DPY30: variants seen among roughly 807,000 people sequenced by gnomAD.
The protein encoded by DPY30 is protein dpy-30 homolog.
Under a neutral mutation model 16.2 loss-of-function variants are expected in DPY30, and 6 were observed. The ratio of observed to expected loss-of-function variants is 0.37; its 90% confidence interval spans 0.20 to 0.73. The LOEUF (loss-of-function observed/expected upper bound fraction) is 0.73. DPY30 is among the 30% of genes least tolerant of loss of function. The pLI is 0.51. For synonymous variants in DPY30, 39 were observed against 38.8 expected (o/e 1.00, Z -0.02); for missense variants, 73 against 113.1 (o/e 0.65, Z 1.61).
At chr2:32,012,580 ACCACCAT>A (rs2148647233) in intron 5 of DPY30, among the ~76,000 whole-genome samples, 1 of 151,648 alleles carries the variant, frequency 6.6e-6, no homozygotes, top group South Asian at 2.1e-4. Flanking sequence ...ATGGGTGCCC[ACCACCAT>A]CCACCATGCC....
chr2:32,030,080 AAAT>A (rs1418631802), intron 3 of DPY30, among the ~76,000 whole-genome samples: 49 of 149,962 alleles, frequency 3.3e-4, no homozygotes, highest in African/African-American at 6.9e-4. Flanking sequence ...AAAAAAAAAA[AAAT>A]AATGAATGTA....
chr2:32,037,717 C>G (rs1675798888), intron 3 of DPY30, among the ~76,000 whole-genome samples: 1 of 151,956 alleles, frequency 6.6e-6, no homozygotes, highest in Admixed American at 6.6e-5. Flanking sequence ...GCCACCACGC[C>G]TGGCTAATTT....
intron 5 of DPY30, among the ~76,000 whole-genome samples, chr2:32,016,894 T>C (rs560455939): frequency 3.7e-4 from 56 of 152,282 alleles, no homozygotes; most frequent in Non-Finnish European, 7.4e-5. Flanking sequence ...TTTGTTGTTG[T>C]TTTTTTGAGA....
At chr2:32,024,350 G>A in intron 4 of DPY30, 94 bp from the exon 5 acceptor site, 2 of 933,336 alleles carry the variant, frequency 2.1e-6, no homozygotes, top group Non-Finnish European at 3.2e-6. Context: ...ATCTTTTTAA[G>A]TTTAATTTTC....
chr2:32,038,161 A>C (rs1433541436), intron 3 of DPY30, among the ~76,000 whole-genome samples: 1 of 147,948 alleles, frequency 6.8e-6, no homozygotes, highest in African/African-American at 2.5e-5. Flanking sequence ...TTTTGGACAA[A>C]GTCTCGCTTT....
downstream of DPY30, among the ~76,000 whole-genome samples, chr2:32,022,151 A>C (rs1675198928): frequency 6.6e-6 from 1 of 151,768 alleles, no homozygotes; most frequent in Non-Finnish European, 1.5e-5. Flanking sequence ...CAGAGGTTGC[A>C]GTGAGCCAAG....
downstream of DPY30, chr2:32,023,331 A>C (rs1675225266): frequency 2.3e-6 from 1 of 435,532 alleles, no homozygotes; most frequent in South Asian, 1.7e-5. Flanking sequence ...TAGACCCCAA[A>C]AAGGACTGGC....
intron 5 of DPY30, among the ~76,000 whole-genome samples, chr2:32,018,557 C>CT (rs1471213343): frequency 6.6e-6 from 1 of 152,146 alleles, no homozygotes; most frequent in African/African-American, 2.4e-5. Flanking sequence ...GAAACACCGT[C>CT]TCTGCTTAAA....
chr2:32,023,624 C>A, downstream of DPY30: 2 of 786,004 alleles, frequency 2.5e-6, no homozygotes, highest in Non-Finnish European at 3.9e-6. Context: ...GATATTGTAT[C>A]CCCTTTGCAA....
intron 4 of DPY30, among the ~76,000 whole-genome samples, chr2:32,026,588 C>A (rs1465839958): frequency 6.6e-6 from 1 of 152,094 alleles, no homozygotes; most frequent in African/African-American, 2.4e-5. Flanking sequence ...ATCAGGAGTT[C>A]CAGACCAGCC....
At chr2:32,016,648 A>G (rs1553385986) in intron 5 of DPY30, among the ~76,000 whole-genome samples, 1 of 151,396 alleles carries the variant, frequency 6.6e-6, no homozygotes, top group Admixed American at 6.6e-5. Context: ...TTTTTTTTCA[A>G]TTCAAGGTTT....
At position 32,032,750 on chromosome 2, in the gene DPY30, C is replaced by CT. The variant is rs140014990; in HGVS notation, c.85-3015_85-3014insA. ...CAGTGGCTCACGCCTATAATCCCAG[C>CT]ACTTTAGGAGGCCGAGGCAGCTGGA... On this transcript the variant is annotated intron_variant, in intron 3 of 4. Coordinates refer to ENST00000342166, the MANE Select transcript of DPY30 (RefSeq NM_001321209.2). Among the ~76,000 whole-genome samples, 1,364 of 152,322 alleles carry CT rather than the reference C, an allele frequency of 9.0e-3. 6 individuals carry two copies. Among genetic ancestry groups the CT allele is most frequent in the Non-Finnish European group, 0.012 (834 of 68,032 alleles).
intron 4 of DPY30, 108 bp downstream of exon 4, chr2:32,029,486 T>A (rs1675453093): frequency 1.4e-5 from 18 of 1,314,434 alleles, no homozygotes; most frequent in Admixed American, 2.3e-5. Flanking sequence ...AACTTTAACA[T>A]CCATAAATCA....
chr2:32,021,938 G>A (rs115690011), downstream of DPY30, among the ~76,000 whole-genome samples: 490 of 152,098 alleles, frequency 3.2e-3, 3 homozygotes, highest in African/African-American at 0.011. Context: ...TTATGGGCGT[G>A]GTGGCTCACA....
intron 3 of DPY30, among the ~76,000 whole-genome samples, chr2:32,037,714 C>A (rs922736717): frequency 2.6e-5 from 4 of 151,890 alleles, no homozygotes; most frequent in African/African-American, 9.7e-5. Context: ...CTTGCCACCA[C>A]GCCTGGCTAA....
Position 32,036,399 on chromosome 2 carries a change from C to T in DPY30, c.84+2880G>A, listed in dbSNP as rs1467565970. Among the ~76,000 whole-genome samples the T allele has an allele frequency of 5.3e-5, 8 of 152,094 alleles. 1 individual carries two copies. Among genetic ancestry groups the T allele is most frequent in the African/African-American group, 7.2e-5 (3 of 41,502 alleles). ...TTAAAAGAAAAAAACTGGCTGGGCG[C>T]GGTGGCTCACGCCTGTAATCCCAGC... On this transcript the variant is annotated intron_variant, in intron 3 of 4. Coordinates refer to ENST00000342166, the MANE Select transcript of DPY30 (RefSeq NM_001321209.2).
intron 3 of DPY30, 96 bp downstream of exon 3, chr2:32,039,183 T>A: frequency 6.8e-7 from 1 of 1,480,238 alleles, no homozygotes; most frequent in Non-Finnish European, 9.4e-7. Context: ...TAACAAAGTT[T>A]TCCCTTGTGC....
chr2:32,016,612 C>G (rs1675070616), intron 5 of DPY30, among the ~76,000 whole-genome samples: 1 of 152,058 alleles, frequency 6.6e-6, no homozygotes, highest in Non-Finnish European at 1.5e-5. Flanking sequence ...GATTGATCTC[C>G]TTCTATCCAA....
chr2:32,014,575 C>T (rs1675027570), intron 5 of DPY30, among the ~76,000 whole-genome samples: 1 of 151,994 alleles, frequency 6.6e-6, no homozygotes, highest in Admixed American at 6.6e-5. Flanking sequence ...GCTCCGCCTC[C>T]CGGGTTCATG....
Sources: gnomAD v4.1 joint callset for allele counts (sites outside exome capture counted in the v4.1 genomes callset) on GRCh38, gnomAD v4.1.1 for gene constraint, MANE v1.5 for transcripts, NCBI Gene and HGNC (gene_info 2026-07-23, HGNC 2026-07-21) for gene names.